The following DCX variants were observed in gnomAD, a reference collection of about 807,000 sequenced individuals.
DCX encodes neuronal migration protein doublecortin.
A neutral mutation model predicts 20.9 loss-of-function variants in DCX; 4 were observed. That is an observed-to-expected ratio of 0.19 (90% CI 0.09 to 0.44). The LOEUF (loss-of-function observed/expected upper bound fraction) is 0.44, where lower values mean the gene tolerates loss of function less well. Among genes scored for constraint, DCX ranks in the 20% least tolerant of loss-of-function variants. The pLI is 0.99. For synonymous variants in DCX, 103 were observed against 111.4 expected, an observed-to-expected ratio of 0.92 and a Z score of 0.47; for missense variants, 133 against 296.9, an observed-to-expected ratio of 0.45 and a Z score of 4.06.
intron 5 of DCX, among the ~76,000 whole-genome samples, chrX:111,321,886 G>T (rs948517093): frequency 8.9e-6 from 1 of 112,118 alleles, no homozygotes; most frequent in Admixed American, 9.4e-5. Flanking sequence ...TAAAGGGACA[G>T]CTTGGCATCT....
intron 1 of DCX, chrX:111,410,805 G>A (rs1928648591): frequency 8.3e-7 from 1 of 1,210,922 alleles, no homozygotes; most frequent in Non-Finnish European, 1.1e-6. Context: ...ATTAAAACTG[G>A]CATCTGTTTC....
intron 5 of DCX, among the ~76,000 whole-genome samples, chrX:111,315,230 A>C (rs1248849095): frequency 9.7e-6 from 1 of 103,234 alleles, no homozygotes; most frequent in Non-Finnish European, 2.0e-5. Flanking sequence ...ACAAATTTAC[A>C]AGAAAAAAAC....
intron 5 of DCX, among the ~76,000 whole-genome samples, chrX:111,329,932 G>T (rs1038771887): frequency 1.8e-5 from 2 of 112,213 alleles, no homozygotes; most frequent in Non-Finnish European, 3.8e-5. Context: ...AAATGTATAA[G>T]TATTTTGGAC....
intron 3 of DCX, among the ~76,000 whole-genome samples, chrX:111,382,312 A>T (rs1471309002): frequency 2.7e-5 from 3 of 111,983 alleles, no homozygotes; most frequent in Non-Finnish European, 5.6e-5. Flanking sequence ...CTAGACCTGG[A>T]TGTTATCAGA....
Position 111,297,272 on chromosome X carries a change from A to G in DCX, c.*4415T>C, listed in dbSNP as rs1371627384. On this transcript the variant is annotated 3_prime_UTR_variant, in exon 7 of 7. Coordinates refer to ENST00000636035, the MANE Select transcript of DCX (RefSeq NM_001195553.2). ...TCTATCTGGGGAAGTCTCTTGGCAC[A>G]GACGTTTCTGAGGTGGGGTGATCTT... The G allele has an allele frequency of 8.9e-6, 1 of 112,475 alleles. No individual in the cohort carries two copies. The highest frequency in any genetic ancestry group is 1.9e-5 in the Non-Finnish European group (1 of 53,345). The allele number at this position is 112,475 out of a possible 1,213,427, so 9.3% of individuals were successfully genotyped here.
intron 3 of DCX, among the ~76,000 whole-genome samples, chrX:111,373,451 G>A (rs776822585): frequency 4.5e-5 from 5 of 112,127 alleles, no homozygotes; most frequent in African/African-American, 9.7e-5. Context: ...AGAGATTCAA[G>A]TATTTTAGGG....
At chrX:111,306,662 T>C (rs775363868) in intron 6 of DCX, among the ~76,000 whole-genome samples, 1 of 111,703 alleles carries the variant, frequency 9.0e-6, no homozygotes, top group East Asian at 2.8e-4. Context: ...ATAGATCATA[T>C]GCTAGGCCAT....
intron 1 of DCX, 200 bp downstream of exon 1, chrX:111,411,938 T>A (rs1928748572): frequency 9.0e-6 from 1 of 111,264 alleles, no homozygotes; most frequent in African/African-American, 3.3e-5. Flanking sequence ...TAAATTAACA[T>A]CACAGTGAAA....
intron 3 of DCX, among the ~76,000 whole-genome samples, chrX:111,382,525 A>G (rs1926056305): frequency 8.9e-6 from 1 of 112,064 alleles, no homozygotes; most frequent in Non-Finnish European, 1.9e-5. Flanking sequence ...ATGGCAAATG[A>G]GCCCAGCAGA....
chrX:111,384,514 T>G (rs929618307), intron 3 of DCX, among the ~76,000 whole-genome samples: 1 of 111,444 alleles, frequency 9.0e-6, no homozygotes, highest in Admixed American at 9.5e-5. Context: ...TTGACTAGAT[T>G]GTAAGCACCT....
chrX:111,301,784 G>C, intron 6 of DCX, 41 bp from the exon 7 acceptor site: 1 of 1,134,235 alleles, frequency 8.8e-7, no homozygotes, highest in Non-Finnish European at 1.2e-6. Flanking sequence ...TCCTTTTCTT[G>C]ATATCTTGAG....
At chrX:111,331,952 A>G (rs758624882) in intron 4 of DCX, among the ~76,000 whole-genome samples, 47 of 112,930 alleles carry the variant, frequency 4.2e-4, no homozygotes, top group South Asian at 7.3e-4. Flanking sequence ...TCTTTCTACT[A>G]CAGTTTTTCC....
intron 5 of DCX, among the ~76,000 whole-genome samples, chrX:111,315,250 C>T (rs1284046236): frequency 1.0e-5 from 1 of 96,490 alleles, no homozygotes; most frequent in Non-Finnish European, 2.0e-5. Flanking sequence ...CAAACAACCC[C>T]ATCAAAAAGT....
At chrX:111,375,257 T>C (rs1235979441) in intron 3 of DCX, among the ~76,000 whole-genome samples, 1 of 109,135 alleles carries the variant, frequency 9.2e-6, no homozygotes, top group East Asian at 2.9e-4. Flanking sequence ...ATAACACTGG[T>C]GAAATATTAA....
At chrX:111,305,039 C>T (rs761213595) in intron 6 of DCX, among the ~76,000 whole-genome samples, 1 of 111,691 alleles carries the variant, frequency 9.0e-6, no homozygotes, top group Non-Finnish European at 1.9e-5. Context: ...GGGAGTCTTA[C>T]TGGATCAAGG....
intron 3 of DCX, among the ~76,000 whole-genome samples, chrX:111,373,895 G>T (rs1400866174): frequency 9.0e-6 from 1 of 111,429 alleles, no homozygotes; most frequent in Non-Finnish European, 1.9e-5. Context: ...TAAAACTGAG[G>T]CTCAAAGAAA....
chrX:111,306,602 C>T (rs769422015), intron 6 of DCX, among the ~76,000 whole-genome samples: 14 of 111,126 alleles, frequency 1.3e-4, no homozygotes, highest in South Asian at 7.7e-4. Flanking sequence ...TTCTATCCAA[C>T]GAGAGCAGAA....
intron 6 of DCX, among the ~76,000 whole-genome samples, chrX:111,302,203 C>T (rs750239193): frequency 2.3e-4 from 26 of 111,801 alleles, no homozygotes; most frequent in African/African-American, 7.1e-4. Flanking sequence ...TGAATGAAAC[C>T]ATACAGTATA....
intron 5 of DCX, among the ~76,000 whole-genome samples, chrX:111,313,931 G>C (rs769408478): frequency 4.6e-5 from 5 of 109,268 alleles, no homozygotes; most frequent in East Asian, 2.9e-4. Context: ...GGGAGACAGA[G>C]AGAATAAATA....
Sources: allele counts gnomAD v4.1 joint callset (sites outside exome capture counted in the v4.1 genomes callset), GRCh38; gene constraint gnomAD v4.1.1; transcripts MANE v1.5; gene names NCBI Gene and HGNC (gene_info 2026-07-23, HGNC 2026-07-21).